The following DGKB variants were observed in gnomAD, a reference collection of about 807,000 sequenced individuals.
The protein encoded by DGKB is 90 kDa diacylglycerol kinase.
Under a neutral mutation model 114.3 loss-of-function variants are expected in DGKB, and 67 were observed. The ratio of observed to expected loss-of-function variants is 0.59; its 90% CI spans 0.48 to 0.72. The LOEUF (loss-of-function observed/expected upper bound fraction) is 0.72. DGKB is among the 30% of genes least tolerant of loss of function. DGKB has a pLI of 0.00. For missense variants in DGKB, 907 were observed against 975.2 expected, an observed-to-expected ratio of 0.93 and a Z score of 0.93; for synonymous variants, 398 against 323.1, an observed-to-expected ratio of 1.23 and a Z score of -2.49.
chr7:14,841,504 G>GA (rs1847929479), intron 1 of DGKB, 54 bp from the exon 2 acceptor site: 3 of 370,198 alleles, frequency 8.1e-6, no homozygotes, highest in South Asian at 1.0e-4. Context: ...TTGCACAAAG[G>GA]AAAAAAATGT....
intron 1 of DGKB, among the ~76,000 whole-genome samples, chr7:14,938,801 A>T (rs555825297): frequency 9.6e-4 from 146 of 152,298 alleles, no homozygotes; most frequent in African/African-American, 3.3e-3. Flanking sequence ...TCTTCCTTTC[A>T]AAAAATTATT....
intron 23 of DGKB, among the ~76,000 whole-genome samples, chr7:14,319,028 G>A (rs4404823): frequency 0.87 from 132,133 of 151,660 alleles, 57,898 homozygotes; most frequent in African/African-American, 0.97. Flanking sequence ...TCAGTAAACT[G>A]TCGCAAGAAC....
chr7:14,795,207 A>G (rs1285729684), intron 2 of DGKB, among the ~76,000 whole-genome samples: 1 of 152,192 alleles, frequency 6.6e-6, no homozygotes, highest in Non-Finnish European at 1.5e-5. Flanking sequence ...AGGATGTGGG[A>G]TAATGGTGGA....
chr7:14,195,242 T>C (rs540381050), intron 23 of DGKB, among the ~76,000 whole-genome samples: 174 of 152,272 alleles, frequency 1.1e-3, no homozygotes, highest in African/African-American at 3.8e-3. Flanking sequence ...CACAGCACCA[T>C]GCCTCTTCTG....
chr7:14,662,858 C>A (rs1024724736), intron 13 of DGKB, among the ~76,000 whole-genome samples: 9 of 151,526 alleles, frequency 5.9e-5, no homozygotes, highest in African/African-American at 2.2e-4. Flanking sequence ...TGTTTAAATT[C>A]TTTTTCTTTA....
chr7:14,848,490 A>G (rs1245298352), intron 1 of DGKB, among the ~76,000 whole-genome samples: 1 of 152,204 alleles, frequency 6.6e-6, no homozygotes, highest in East Asian at 1.9e-4. Context: ...TAGAGCTAAG[A>G]TAAGAGATAA....
upstream of DGKB, among the ~76,000 whole-genome samples, chr7:14,907,185 C>A (rs1419624157): frequency 1.3e-5 from 2 of 152,116 alleles, no homozygotes; most frequent in African/African-American, 2.4e-5. Flanking sequence ...GAATAATGAT[C>A]ATAAAATATG....
chr7:14,498,851 G>A (rs1172618553), intron 20 of DGKB, among the ~76,000 whole-genome samples: 1 of 151,686 alleles, frequency 6.6e-6, no homozygotes, highest in East Asian at 1.9e-4. Context: ...CTCACATAAG[G>A]GAAATAGATT....
In DGKB at chr7:14,607,562, A is replaced by G. The variant is rs936319289; in HGVS notation, c.1359-54T>C. ...TTTAATAATATTCAATACTTTTAAA[A>G]TAAGTAATGTCTCTCAGTGTTATAA... On this transcript the variant is annotated intron_variant, in intron 16 of 25. Coordinates refer to ENST00000402815, the MANE Select transcript of DGKB (RefSeq NM_001350709.2). 2.7e-4 allele frequency: 206 copies of G among 751,314 alleles called. 1 individual carries two copies. The highest frequency in any genetic ancestry group is 3.0e-4 in the Middle Eastern group (1 of 3,358). The allele number at this position is 751,314 out of a possible 1,614,324, so 46.5% of individuals were successfully genotyped here.
At chr7:14,720,084 G>GCA (rs1479985684) in intron 5 of DGKB, among the ~76,000 whole-genome samples, 2 of 151,126 alleles carry the variant, frequency 1.3e-5, no homozygotes, top group Non-Finnish European at 2.9e-5. Context: ...TCTTAACACA[G>GCA]CACACACACA....
At chr7:14,511,762 T>G (rs547444870) in intron 20 of DGKB, among the ~76,000 whole-genome samples, 2 of 152,180 alleles carry the variant, frequency 1.3e-5, no homozygotes, top group Admixed American at 1.3e-4. Flanking sequence ...ATGCAACTCT[T>G]CCTTTCACTT....
intron 21 of DGKB, among the ~76,000 whole-genome samples, chr7:14,384,195 T>G (rs906156012): frequency 6.6e-6 from 1 of 152,240 alleles, no homozygotes; most frequent in Non-Finnish European, 1.5e-5. Context: ...AAAATCAGTT[T>G]GGTTTAATGA....
At position 14,800,614 on chromosome 7, in the gene DGKB, T is replaced by G. The variant is rs575351080; in HGVS notation, c.70+40580A>C. Among the ~76,000 whole-genome samples the G allele has an allele frequency of 2.0e-5, 3 of 152,276 alleles. No individual in the cohort carries two copies. The East Asian group carries it at 5.8e-4, about 29-fold the overall frequency. On this transcript the variant is annotated intron_variant, in intron 2 of 25. Coordinates refer to ENST00000402815, the MANE Select transcript of DGKB (RefSeq NM_001350709.2). ...TGTGGGACCCTGTGATTGTATAAGT[T>G]AATACTTAGTAAACTCACCTTTTTA...
chr7:14,237,777 T>A (rs1423251956), intron 23 of DGKB, among the ~76,000 whole-genome samples: 2 of 151,982 alleles, frequency 1.3e-5, no homozygotes, highest in Non-Finnish European at 2.9e-5. Flanking sequence ...TTAATTTGCC[T>A]GTTTAAGATA....
chr7:14,601,170 C>G (rs1803480248), intron 17 of DGKB, among the ~76,000 whole-genome samples: 1 of 152,210 alleles, frequency 6.6e-6, no homozygotes, highest in South Asian at 2.1e-4. Context: ...AAGGGTGGCT[C>G]TGGTTGCACT....
chr7:14,944,087 T>C (rs1019903240), intron 1 of DGKB, among the ~76,000 whole-genome samples: 2 of 151,880 alleles, frequency 1.3e-5, no homozygotes, highest in Non-Finnish European at 2.9e-5. Flanking sequence ...TTCATTCTAT[T>C]ACCTAATAAA....
At chr7:14,743,728 G>A (rs1774098315) in intron 4 of DGKB, among the ~76,000 whole-genome samples, 1 of 152,004 alleles carries the variant, frequency 6.6e-6, no homozygotes, top group South Asian at 2.1e-4. Context: ...TCACAATTAA[G>A]GTTGTTATAT....
intron 21 of DGKB, among the ~76,000 whole-genome samples, chr7:14,465,725 G>C (rs753776268): frequency 1.3e-5 from 2 of 152,118 alleles, no homozygotes; most frequent in Non-Finnish European, 2.9e-5. Flanking sequence ...AAGCCAGGGA[G>C]CCCTAACTAG....
chr7:14,302,991 AG>A (rs1803826997), intron 23 of DGKB, among the ~76,000 whole-genome samples: 1 of 152,164 alleles, frequency 6.6e-6, no homozygotes, highest in Non-Finnish European at 1.5e-5. Flanking sequence ...GGGTGGTAGG[AG>A]AAGCTTAGGA....
Sources: gnomAD v4.1 joint callset for allele counts (sites outside exome capture counted in the v4.1 genomes callset) on GRCh38, gnomAD v4.1.1 for gene constraint, MANE v1.5 for transcripts, NCBI Gene and HGNC (gene_info 2026-07-23, HGNC 2026-07-21) for gene names.